Variants in KAT6B observed in about 807,000 individuals in gnomAD.
KAT6B encodes histone acetyltransferase KAT6B.
KAT6B carries 10 observed loss-of-function variants against 187.5 expected under a neutral mutation model. The observed-to-expected ratio is 0.05, with a 90% confidence interval of 0.03 to 0.09. KAT6B has a LOEUF of 0.09. KAT6B is among the 10% of genes least tolerant of loss of function. The pLI, the probability that KAT6B is intolerant of heterozygous loss-of-function variation, is 1.00. For synonymous variants in KAT6B, 861 were observed against 926.8 expected (o/e 0.93, Z 1.29); for missense variants, 1,952 against 2,558.9 (o/e 0.76, Z 5.12).
At chr10:74,839,994 A>G (rs553175886) in intron 2 of KAT6B, among the ~76,000 whole-genome samples, 1 of 152,380 alleles carries the variant, frequency 6.6e-6, no homozygotes, top group East Asian at 1.9e-4. Flanking sequence ...AGGTTGGAAG[A>G]TAGGCTTAAA....
At chr10:75,000,896 T>C (rs1843786113) in intron 13 of KAT6B, among the ~76,000 whole-genome samples, 1 of 152,126 alleles carries the variant, frequency 6.6e-6, no homozygotes, top group Non-Finnish European at 1.5e-5. Context: ...GTCCGTGTGC[T>C]ATTTAAAAAC....
intron 6 of KAT6B, 50 bp from the exon 7 acceptor site, chr10:74,972,457 C>T (rs908875008): frequency 7.6e-7 from 1 of 1,320,886 alleles, no homozygotes; most frequent in South Asian, 1.3e-5. Context: ...TTAATATCTT[C>T]TCTTAAAATG....
At chr10:74,991,075 C>G (rs1843101468) in intron 13 of KAT6B, among the ~76,000 whole-genome samples, 1 of 152,014 alleles carries the variant, frequency 6.6e-6, no homozygotes, top group African/African-American at 2.4e-5. Context: ...CTTTTTGATC[C>G]CACCTCCTGG....
intron 1 of KAT6B, among the ~76,000 whole-genome samples, chr10:74,835,901 TTG>T (rs1841266110): frequency 3.3e-5 from 5 of 152,234 alleles, no homozygotes; most frequent in Admixed American, 3.3e-4. Flanking sequence ...ACATTCAGTG[TTG>T]TGTCACCACT....
In KAT6B at chr10:74,934,181, G is replaced by A. The variant is rs547582637; in HGVS notation, c.622-25789G>A. On this transcript the variant is annotated intron_variant, in intron 3 of 17. Transcript: ENST00000287239. ...AGCCTGGGCAACAGGGCAAGACTCC[G>A]TCTCCAAAAAAAAAAAAAAAAAAAG... 1.5e-3 allele frequency among the ~76,000 whole-genome samples: 151 copies of A among 103,236 alleles called. 3 individuals are homozygous for A. In the South Asian group the frequency reaches 0.054, roughly 37 times the overall value. 67.7% of individuals were successfully genotyped at this position (103,236 alleles called of 152,430 possible).
At chr10:74,929,541 G>A (rs1174684727) in intron 3 of KAT6B, among the ~76,000 whole-genome samples, 1 of 152,132 alleles carries the variant, frequency 6.6e-6, no homozygotes, top group African/African-American at 2.4e-5. Flanking sequence ...TAGTGGTTCT[G>A]TAGTCTAATT....
rs370396484 is a variant in KAT6B, at chr10:75,030,251, G to A, written c.5427G>A (p.Pro1809=). 2.2e-5 allele frequency: 35 copies of A among 1,614,020 alleles called. No homozygotes were observed. Among genetic ancestry groups the A allele is most frequent in the East Asian group, 4.5e-5 (2 of 44,898 alleles). Residue 1809 remains proline (P), a synonymous_variant, in exon 18 of 18, where the codon CCG becomes CCA. Coordinates refer to ENST00000287239, the MANE Select transcript of KAT6B (RefSeq NM_012330.4). This position sits in a 1 kb window ranked among gnomAD's most constrained non-coding sequence, Gnocchi z 4.8. ...GQSDFGAGHY[P]QPSATFSLAK... ...GTGATTTTGGGGCTGGGCATTACCC[G>A]CAGCCGTCAGCCACCTTCAGCCTTG...
At chr10:74,967,998 T>C (rs1184149273) in intron 4 of KAT6B, among the ~76,000 whole-genome samples, 2 of 152,168 alleles carry the variant, frequency 1.3e-5, no homozygotes, top group Non-Finnish European at 1.5e-5. Flanking sequence ...GGGAAGTAAG[T>C]GGTATACTTT....
chr10:74,843,046 C>T lies in KAT6B; in HGVS notation c.189C>T (p.Val63=). Residue 63 remains valine, a synonymous_variant, in exon 3 of 18, where the codon GTC becomes GTT. Coordinates refer to ENST00000287239, the MANE Select transcript of KAT6B (RefSeq NM_012330.4). ...TTCAGGATGGCTCAGTTCTCAAAGT[C>T]ACCAACAAAGGCCTTGCCTCCTATA... The part of the protein sequence containing the change: ...LSVQDGSVLK[V]TNKGLASYKD... The T allele has an allele frequency of 4.3e-6, 7 of 1,614,208 alleles. No homozygotes were observed. In the South Asian group the frequency reaches 6.6e-5, roughly 15 times the overall value.
chr10:74,882,823 C>T (rs981850655), intron 3 of KAT6B, among the ~76,000 whole-genome samples: 1 of 152,178 alleles, frequency 6.6e-6, no homozygotes, highest in Admixed American at 6.5e-5. Context: ...CTTTAAACAT[C>T]TTTTCTGAGG....
In KAT6B at chr10:75,022,119, A is replaced by G. The variant is rs780790360; in HGVS notation, c.3260A>G (p.Glu1087Gly). 1 of 1,610,628 alleles carries G rather than the reference A, an allele frequency of 6.2e-7. No homozygotes were observed. Among genetic ancestry groups the G allele is most frequent in the East Asian group, 2.2e-5 (1 of 44,796 alleles). ...GAGGAGGAAGAAGAGGAGGAAGAAG[A>G]GGAAGAGGATGAAGAGGAGGAAGAA... is the stretch of plus-strand genomic sequence containing the variant. ...DEEEEEEEEE[E>G]EEDEEEEEEE... Residue 1087 changes from glutamate (E) to glycine (G), a missense_variant, in exon 16 of 18, where the codon GAG (glutamate) becomes GGG (glycine). By Grantham distance (98) the Glu-to-Gly change is moderately conservative. This residue lies in a region of KAT6B where 758 missense variants were observed against 891.4 expected (regional missense o/e 0.85). Transcript: ENST00000287239.
At chr10:74,895,139 A>G (rs1199503045) in intron 3 of KAT6B, among the ~76,000 whole-genome samples, 1 of 151,812 alleles carries the variant, frequency 6.6e-6, no homozygotes, top group Non-Finnish European at 1.5e-5. Flanking sequence ...TCTAATGATT[A>G]GTGATGTTGA....
At chr10:74,962,494 T>A (rs1456708229) in intron 4 of KAT6B, among the ~76,000 whole-genome samples, 1 of 152,196 alleles carries the variant, frequency 6.6e-6, no homozygotes. Context: ...AGTCTATTGG[T>A]TCTGGGATTG....
chr10:74,930,936 T>A (rs928269272), intron 3 of KAT6B, among the ~76,000 whole-genome samples: 1 of 152,230 alleles, frequency 6.6e-6, no homozygotes, highest in Non-Finnish European at 1.5e-5. Flanking sequence ...CCATAGAGAC[T>A]GCAAGTCTTT....
At chr10:74,887,389 G>A (rs1009635718) in intron 3 of KAT6B, among the ~76,000 whole-genome samples, 5 of 152,078 alleles carry the variant, frequency 3.3e-5, no homozygotes, top group African/African-American at 7.2e-5. Context: ...GTGTAGTGGC[G>A]CAATCTTGGC....
chr10:74,920,089 T>G (rs1848002060), intron 3 of KAT6B, among the ~76,000 whole-genome samples: 1 of 152,218 alleles, frequency 6.6e-6, no homozygotes, highest in African/African-American at 2.4e-5. Context: ...CTGTGCCTGA[T>G]TACATCCTGG....
At chr10:74,858,742 G>T (rs1022489106) in intron 3 of KAT6B, among the ~76,000 whole-genome samples, 10 of 152,042 alleles carry the variant, frequency 6.6e-5, no homozygotes, top group Non-Finnish European at 1.3e-4. Flanking sequence ...ATCACTTGAG[G>T]TCCAGAGTTC....
At chr10:74,875,414 T>G (rs1203816564) in intron 3 of KAT6B, among the ~76,000 whole-genome samples, 1 of 152,160 alleles carries the variant, frequency 6.6e-6, no homozygotes, top group Non-Finnish European at 1.5e-5. Flanking sequence ...AGATTACCAT[T>G]AAATGGTAAT....
chr10:74,958,910 C>T (rs559791967), intron 3 of KAT6B, among the ~76,000 whole-genome samples: 2 of 151,834 alleles, frequency 1.3e-5, no homozygotes, highest in Admixed American at 6.6e-5. Flanking sequence ...TGGTGGCACG[C>T]GCCTGTAGTC....
Sources: gnomAD v4.1 joint callset for allele counts (sites outside exome capture counted in the v4.1 genomes callset) on GRCh38, gnomAD v4.1.1 for gene constraint, gnomAD v4.1.1 regional missense constraint, Gnocchi (gnomAD v3.1) non-coding constraint, MANE v1.5 for transcripts, NCBI Gene and HGNC (gene_info 2026-07-23, HGNC 2026-07-21) for gene names.